BAMBI: variants seen among roughly 807,000 people sequenced by gnomAD.
BAMBI encodes the protein BMP and activin membrane-bound inhibitor homolog.
BAMBI carries 21 observed loss-of-function variants against 24.1 expected under a neutral mutation model. The observed-to-expected ratio is 0.87, with a 90% CI of 0.62 to 1.26. The LOEUF is 1.26. BAMBI is among the 50% of genes most tolerant of loss of function. The probability of loss-of-function intolerance (pLI) is 0.00; values close to 1 mark genes in which losing one functional copy is unlikely to be tolerated. For synonymous variants in BAMBI, 156 were observed against 123.1 expected, an observed-to-expected ratio of 1.27 and a Z score of -1.77; for missense variants, 388 against 329.1, an observed-to-expected ratio of 1.18 and a Z score of -1.38.
chr10:28,682,348 T>G lies in BAMBI; in HGVS notation c.730T>G (p.Ser244Ala). ...AGACCTCAGCAACGATAAGATCCTC[T>G]CGCTTGTTCACTGGGGCATGTACAG... is the stretch of plus-strand genomic sequence containing the variant. ...QADLSNDKIL[S>A]LVHWGMYSGH... is the part of the protein sequence containing the mutation. Residue 244 changes from serine (S) to alanine (A), a missense_variant, in exon 3 of 3, where the codon TCG (serine) becomes GCG (alanine). Physicochemically the swap from Ser to Ala is moderately conservative, Grantham distance 99. Coordinates refer to ENST00000375533, the MANE Select transcript of BAMBI (RefSeq NM_012342.3). 6.2e-7 allele frequency: 1 copy of G among 1,614,042 alleles called. No homozygotes were observed. The highest frequency in any genetic ancestry group is 8.5e-7 in the Non-Finnish European group (1 of 1,180,016).
In BAMBI at chr10:28,682,409, T is replaced by C; in HGVS notation, c.*8T>C. 6.2e-7 allele frequency: 1 copy of C among 1,605,420 alleles called. No individual in the cohort carries two copies. Among genetic ancestry groups the C allele is most frequent in the South Asian group, 1.1e-5 (1 of 90,492 alleles). ...AAGCTGGAATTCGTATGACGGAGTCTTATCTGAACTACACTTACTGAACAG... is the reference window on the plus strand; with the variant it reads ...AAGCTGGAATTCGTATGACGGAGTCCTATCTGAACTACACTTACTGAACAG... On this transcript the variant is annotated 3_prime_UTR_variant, in exon 3 of 3. Transcript: ENST00000375533.
rs1392556948 is a variant in BAMBI at position 28,677,772 on chromosome 10, CCCCGCCGCTGACGGCG to C, written c.-116_-101del. The stretch of plus-strand genomic sequence containing the variant: ...GCTCCGGCAGCGGCCCGAAACCCAG[CCCCGCCGCTGACGGCG>C]CCCGCCGCTCCGGGCAGGGCCCATG... On this transcript the variant is annotated 5_prime_UTR_variant, in exon 1 of 3. It removes the in-frame stop codon of an upstream open reading frame in the 5' UTR. Transcript: ENST00000375533. The C allele has an allele frequency of 5.6e-6, 3 of 531,088 alleles. No individual in the cohort carries two copies. Among genetic ancestry groups the C allele is most frequent in the African/African-American group, 2.0e-5 (1 of 49,472 alleles). 32.9% of individuals were successfully genotyped at this position (531,088 alleles called of 1,614,324 possible). A position where few individuals can be genotyped will look rare whatever the true frequency, so the allele number is the denominator to read the frequency against.
chr10:28,678,238 C>G (rs1379202890), intron 1 of BAMBI, among the ~76,000 whole-genome samples: 2 of 152,144 alleles, frequency 1.3e-5, no homozygotes, highest in East Asian at 1.9e-4. Flanking sequence ...GGAGCGGGGC[C>G]GGAGTCTCGG....
chr10:28,677,800 G>T lies in BAMBI; in HGVS notation c.-98G>T, dbSNP rs11549393. 3.2e-5 allele frequency: 28 copies of T among 887,564 alleles called. No individual in the cohort carries two copies. In the African/African-American group the frequency reaches 4.1e-4, roughly 13 times the overall value. 55.0% of individuals were successfully genotyped at this position (887,564 alleles called of 1,614,324 possible). A position where few individuals can be genotyped will look rare whatever the true frequency, so the allele number is the denominator to read the frequency against. Reference sequence around the variant, plus strand: ...CGCCGCTGACGGCGCCCGCCGCTCCGGGCAGGGCCCATGCCCTGCGCGCTC... The same window carrying T: ...CGCCGCTGACGGCGCCCGCCGCTCCTGGCAGGGCCCATGCCCTGCGCGCTC... On this transcript the variant is annotated 5_prime_UTR_variant, in exon 1 of 3. Transcript: ENST00000375533.
Position 28,681,328 on chromosome 10 carries a change from C to A in BAMBI, c.147C>A (p.Ser49Arg). ...ATGYMCKSEL[S>R]ACFSRLLDPQ... ...GTTATATGTGTAAATCTGAGCTCAG[C>A]GCCTGCTTCTCTAGACTTCTTGATC... Residue 49 changes from serine to arginine, a missense_variant, in exon 2 of 3, where the codon AGC (serine) becomes AGA (arginine). Ser to Arg is a moderately radical substitution (Grantham distance 110). Coordinates refer to ENST00000375533, the MANE Select transcript of BAMBI (RefSeq NM_012342.3). 6.2e-7 allele frequency: 1 copy of A among 1,614,108 alleles called. No individual in the cohort carries two copies. Among genetic ancestry groups the A allele is most frequent in the Non-Finnish European group, 8.5e-7 (1 of 1,180,038 alleles).
chr10:28,682,121 T>G lies in BAMBI; in HGVS notation c.503T>G (p.Leu168Arg). Residue 168 changes from leucine (L) to arginine (R), a missense_variant, in exon 3 of 3, where the codon CTT becomes CGT. Leu to Arg is a moderately radical substitution (Grantham distance 102). Coordinates refer to ENST00000375533, the MANE Select transcript of BAMBI (RefSeq NM_012342.3). ...PIAGGLILVLLIMLALRMLRS... is the reference protein window; with the variant it reads ...PIAGGLILVLRIMLALRMLRS... ...GCTGGAGGGCTGATTTTAGTGTTGCTTATTATGTTGGCCCTGAGGATGCTT... is the reference window on the plus strand; with the variant it reads ...GCTGGAGGGCTGATTTTAGTGTTGCGTATTATGTTGGCCCTGAGGATGCTT... 6.2e-7 allele frequency: 1 copy of G among 1,614,146 alleles called. No individual in the cohort carries two copies. Among genetic ancestry groups the G allele is most frequent in the Non-Finnish European group, 8.5e-7 (1 of 1,180,020 alleles).
intron 2 of BAMBI, 79 bp downstream of exon 2, chr10:28,681,624 T>A (rs942339045): frequency 1.4e-6 from 2 of 1,449,690 alleles, no homozygotes; most frequent in African/African-American, 2.8e-5. Flanking sequence ...ATGTCTGCTA[T>A]TGATTTTGTT....
In BAMBI at chr10:28,682,502, T is replaced by G. The variant is rs370980870; in HGVS notation, c.*101T>G. ...TGAAGACAAACTCATTTAATCATCT[T>G]TGAGAGACAAAATGACCTCTGCAAA... On this transcript the variant is annotated 3_prime_UTR_variant, in exon 3 of 3. Coordinates refer to ENST00000375533, the MANE Select transcript of BAMBI (RefSeq NM_012342.3). 5.7e-4 allele frequency: 643 copies of G among 1,133,912 alleles called. 1 individual carries two copies. Among genetic ancestry groups the G allele is most frequent in the Non-Finnish European group, 7.2e-4 (574 of 797,750 alleles). 70.2% of individuals were successfully genotyped at this position (1,133,912 alleles called of 1,614,324 possible). A position where few individuals can be genotyped will look rare whatever the true frequency, so the allele number is the denominator to read the frequency against.
intron 1 of BAMBI, 71 bp downstream of exon 1, chr10:28,678,044 C>A: frequency 7.3e-7 from 1 of 1,370,784 alleles, no homozygotes; most frequent in African/African-American, 1.5e-5. Flanking sequence ...GCTGCAGAGG[C>A]TTTGTTAGCG....
rs61749169 is a variant in BAMBI at position 28,681,328 on chromosome 10, C to T, written c.147C>T (p.Ser49=). 132 of 1,613,990 alleles carry T rather than the reference C, an allele frequency of 8.2e-5. No individual in the cohort carries two copies. The highest frequency in any genetic ancestry group is 4.2e-4 in the Admixed American group (25 of 60,004). The change falls in exon 2 of 3, where the codon AGC becomes AGT. Residue 49 remains serine (S), a synonymous_variant. Coordinates refer to ENST00000375533, the MANE Select transcript of BAMBI (RefSeq NM_012342.3). ...GTTATATGTGTAAATCTGAGCTCAGCGCCTGCTTCTCTAGACTTCTTGATC... is the reference window on the plus strand; with the variant it reads ...GTTATATGTGTAAATCTGAGCTCAGTGCCTGCTTCTCTAGACTTCTTGATC... The part of the protein sequence containing the change: ...ATGYMCKSEL[S]ACFSRLLDPQ...
intron 2 of BAMBI, 78 bp downstream of exon 2, chr10:28,681,623 A>T: frequency 1.4e-6 from 2 of 1,466,804 alleles, no homozygotes; most frequent in African/African-American, 2.8e-5. Flanking sequence ...TATGTCTGCT[A>T]TTGATTTTGT....
intron 1 of BAMBI, among the ~76,000 whole-genome samples, chr10:28,678,475 CTG>C (rs552088593): frequency 5.4e-4 from 82 of 152,324 alleles, no homozygotes; most frequent in African/African-American, 1.9e-3. Flanking sequence ...CAGCGTATCT[CTG>C]TGTCTCTTTG....
At chr10:28,681,804 G>C (rs910247458) in intron 2 of BAMBI, 179 bp from the exon 3 acceptor site, 12 of 772,716 alleles carry the variant, frequency 1.6e-5, no homozygotes, top group Non-Finnish European at 2.0e-5. Context: ...AGTAATGACA[G>C]TCTGTAAACA....
At chr10:28,680,922 T>C (rs1041418784) in intron 1 of BAMBI, among the ~76,000 whole-genome samples, 2 of 152,248 alleles carry the variant, frequency 1.3e-5, no homozygotes, top group African/African-American at 2.4e-5. Flanking sequence ...TGTATGGTCA[T>C]GTAGGATTAA....
At position 28,677,936 on chromosome 10, in the gene BAMBI, G is replaced by A. The variant is rs867550504; in HGVS notation, c.39G>A (p.Gln13=). The A allele has an allele frequency of 2.6e-6, 4 of 1,534,916 alleles. No homozygotes were observed. The highest frequency in any genetic ancestry group is 1.2e-5 in the South Asian group (1 of 83,242). The change falls in exon 1 of 3, where the codon CAG becomes CAA. Residue 13 remains glutamine, a synonymous_variant. Coordinates refer to ENST00000375533, the MANE Select transcript of BAMBI (RefSeq NM_012342.3). ...CCAGCTACATCTTCATCTGGCTGCA[G>A]CTGGAGCTCTGCGCCATGGCCGTGC... ...RHSSYIFIWL[Q]LELCAMAVLL... is the part of the protein sequence containing the mutation.
intron 1 of BAMBI, among the ~76,000 whole-genome samples, chr10:28,679,068 G>A (rs1043522644): frequency 6.6e-6 from 1 of 152,200 alleles, no homozygotes; most frequent in African/African-American, 2.4e-5. Context: ...GCCCAGCGAG[G>A]ATGATGTGCT....
In BAMBI at chr10:28,682,086, C is replaced by T. The variant is rs552025432; in HGVS notation, c.468C>T (p.Ala156=). Residue 156 remains alanine, a synonymous_variant, in exon 3 of 3, where the codon GCC becomes GCT. Transcript: ENST00000375533. ...KELWFRAAVI[A]VPIAGGLILV... ...TGTGGTTCCGGGCAGCGGTCATTGC[C>T]GTGCCCATTGCTGGAGGGCTGATTT... is the stretch of plus-strand genomic sequence containing the variant. 4.0e-5 allele frequency: 65 copies of T among 1,614,102 alleles called. No individual in the cohort carries two copies. The Admixed American group carries it at 7.2e-4, about 18-fold the overall frequency.
chr10:28,681,671 G>A (rs1834499231), intron 2 of BAMBI, 126 bp downstream of exon 2: 1 of 1,070,140 alleles, frequency 9.3e-7, no homozygotes, highest in East Asian at 2.5e-5. Context: ...GAGAAGCCTG[G>A]CTGGATGCAA....
intron 1 of BAMBI, among the ~76,000 whole-genome samples, chr10:28,680,909 T>G (rs1764058081): frequency 6.6e-6 from 1 of 152,262 alleles, no homozygotes; most frequent in African/African-American, 2.4e-5. Context: ...AACATTTTTA[T>G]GTTGTATGGT....
Sources: allele counts gnomAD v4.1 joint callset (sites outside exome capture counted in the v4.1 genomes callset), GRCh38; gene constraint gnomAD v4.1.1; transcripts MANE v1.5; gene names NCBI Gene and HGNC (gene_info 2026-07-23, HGNC 2026-07-21).